Variants in MDC1 observed in about 807,000 individuals in gnomAD.
The protein encoded by MDC1 is mediator of DNA damage checkpoint protein 1.
A neutral mutation model predicts 142.5 loss-of-function variants in MDC1; 81 were observed. That is an observed-to-expected ratio of 0.57 (90% CI 0.47 to 0.68). The LOEUF (loss-of-function observed/expected upper bound fraction) is 0.68. Among genes scored for constraint, MDC1 ranks in the 30% least tolerant of loss-of-function variants. The pLI is 0.00. For synonymous variants in MDC1, 797 were observed against 968.4 expected (o/e 0.82, Z 3.29); for missense variants, 2,119 against 2,547.9 (o/e 0.83, Z 3.62).
rs1362687413 is a variant in MDC1, at chr6:30,705,288, G to A, written c.3895C>T (p.Arg1299Ter). 10 of 1,603,224 alleles carry A rather than the reference G, an allele frequency of 6.2e-6. No individual in the cohort carries two copies. Among genetic ancestry groups the A allele is most frequent in the East Asian group, 2.3e-5 (1 of 43,784 alleles). The change falls in exon 10 of 15, where the codon CGA (arginine) becomes TGA (stop). Residue 1299 changes from arginine to a stop codon, truncating the protein, a stop_gained. Coordinates refer to ENST00000376406, the MANE Select transcript of MDC1 (RefSeq NM_014641.3). LOFTEE classifies it high-confidence loss of function. ...GATGTGGGCTTGGGGGTGACAGGTC[G>A]GTCTGTGGAGGTGGAAGGCCGGAGC... Reference protein sequence around the residue: ...PELRPSTSTDRPVTPKPTSRT... With the variant: ...PELRPSTSTD
In MDC1 at chr6:30,703,133, G is replaced by A. The variant is rs1299118277; in HGVS notation, c.5836C>T (p.Pro1946Ser). ...KFLCALGRGI[P>S]ILSLDWLHQS... is the part of the protein sequence containing the mutation. The stretch of plus-strand genomic sequence containing the variant: ...TGCAGCCAGTCCAGGGACAGAATGG[G>A]GATTCCCCGCCCCAGGGCACACAGG... The change falls in exon 12 of 15, where the codon CCC becomes TCC. Residue 1946 changes from proline to serine, a missense_variant. Pro to Ser is a moderately conservative substitution (Grantham distance 74). Transcript: ENST00000376406. This position sits in a 1 kb window ranked among gnomAD's most constrained non-coding sequence, Gnocchi z 4.4. 6.2e-7 allele frequency: 1 copy of A among 1,613,080 alleles called. No homozygotes were observed. Among genetic ancestry groups the A allele is most frequent in the Non-Finnish European group, 8.5e-7 (1 of 1,180,018 alleles).
chr6:30,700,612 TG>T lies in MDC1; in HGVS notation c.6122del (p.Thr2041AsnfsTer26). On this transcript the variant is annotated frameshift_variant, in exon 15 of 15. Coordinates refer to ENST00000376406, the MANE Select transcript of MDC1 (RefSeq NM_014641.3). LOFTEE classifies it high-confidence loss of function. ...AGCAATGAGGGAAGTCCTGAGGGCATGTGATCACAACTCTCTGAGGCTGGGG... is the reference window on the plus strand; with the variant it reads ...AGCAATGAGGGAAGTCCTGAGGGCATTGATCACAACTCTCTGAGGCTGGGG... Reference protein sequence around the residue: ...RSYKPQRVVITCPQDFPHCSI... With the variant: ...RSYKPQRVVIXCPQDFPHCSI... 1 of 1,612,910 alleles carries T rather than the reference TG, an allele frequency of 6.2e-7. No individual in the cohort carries two copies. Among genetic ancestry groups the T allele is most frequent in the Non-Finnish European group, 8.5e-7 (1 of 1,179,960 alleles).
chr6:30,702,517 G>A (rs770041887), intron 14 of MDC1, 36 bp downstream of exon 14: 75 of 1,453,450 alleles, frequency 5.2e-5, no homozygotes, highest in Non-Finnish European at 6.3e-5. Context: ...AACTGCCACT[G>A]CCACCTCACC....
In MDC1 at chr6:30,715,014, T is replaced by C; in HGVS notation, c.136+26A>G. On this transcript the variant is annotated intron_variant, in intron 2 of 14. Coordinates refer to ENST00000376406, the MANE Select transcript of MDC1 (RefSeq NM_014641.3). The surrounding 1 kb of genome is among the most constrained non-coding windows in gnomAD (Gnocchi z 4.1). Reference sequence around the variant, plus strand: ...CACAAAAATAAAAGATCTATATCAATACTTGAACATCCAATACCCTCTGAC... The same window carrying C: ...CACAAAAATAAAAGATCTATATCAACACTTGAACATCCAATACCCTCTGAC... 6.2e-7 allele frequency: 1 copy of C among 1,612,692 alleles called. No homozygotes were observed. Among genetic ancestry groups the C allele is most frequent in the Non-Finnish European group, 8.5e-7 (1 of 1,178,756 alleles).
At chr6:30,706,218 G>C in intron 9 of MDC1, 120 bp from the exon 10 acceptor site, 1 of 871,130 alleles carries the variant, frequency 1.1e-6, no homozygotes, top group Non-Finnish European at 1.7e-6. Flanking sequence ...CGGGCGTGGT[G>C]GCTCACGGCT....
rs1012441948 is a variant in MDC1 at position 30,710,323 on chromosome 6, A to G, written c.2221+1089T>C. ...AGGCTGGTCTCAAACTCCTGACCTCATGTGATCCACCCACTTCGGCTTCCC... is the reference window on the plus strand; with the variant it reads ...AGGCTGGTCTCAAACTCCTGACCTCGTGTGATCCACCCACTTCGGCTTCCC... On this transcript the variant is annotated intron_variant, in intron 7 of 14. Transcript: ENST00000376406. Among the ~76,000 whole-genome samples the G allele has an allele frequency of 7.9e-5, 12 of 152,274 alleles. No individual in the cohort carries two copies. In the South Asian group the frequency reaches 1.7e-3, roughly 21 times the overall value.
rs772867560 is a variant in MDC1 at position 30,714,071 on chromosome 6, C to T, written c.249G>A (p.Trp83Ter). The change falls in exon 3 of 15, where the codon TGG (tryptophan) becomes TGA (stop). Residue 83 changes from tryptophan (W) to a stop codon, truncating the protein, a stop_gained. Transcript: ENST00000376406. LOFTEE classifies it high-confidence loss of function. ...KQHAEIEILA[W>*]DKAPILRDCG... ...AGTCTCGGAGGATAGGTGCCTTGTC[C>T]CAGGCTAAGATTTCAATCTCTGCAT... 6.2e-7 allele frequency: 1 copy of T among 1,612,778 alleles called. No individual in the cohort carries two copies. The highest frequency in any genetic ancestry group is 1.1e-5 in the South Asian group (1 of 91,068).
rs767226261 is a variant in MDC1, at chr6:30,703,499, GTC to G, written c.5599_5600del (p.Asp1867ProfsTer20). The G allele has an allele frequency of 2.5e-6, 4 of 1,613,684 alleles. No individual in the cohort carries two copies. The highest frequency in any genetic ancestry group is 8.5e-7 in the Non-Finnish European group (1 of 1,180,008). Reference sequence around the variant, plus strand: ...TTCTGTTGGGCTCCTCCTCTGCCTGGTCTCTCTTTCTCTTGCCTGGTTTTGGA... The same window carrying G: ...TTCTGTTGGGCTCCTCCTCTGCCTGGTCTCTTTCTCTTGCCTGGTTTTGGA... ...VTPKPGKRKR[D>X]QAEEEPNRIP... is the part of the protein sequence containing the mutation. On this transcript the variant is annotated frameshift_variant, in exon 11 of 15. Transcript: ENST00000376406. LOFTEE classifies it high-confidence loss of function. This position sits in a 1 kb window ranked among gnomAD's most constrained non-coding sequence, Gnocchi z 4.4.
In MDC1 at chr6:30,700,095, C is replaced by T. The variant is rs1772381792; in HGVS notation, c.*370G>A. On this transcript the variant is annotated 3_prime_UTR_variant, in exon 15 of 15. Coordinates refer to ENST00000376406, the MANE Select transcript of MDC1 (RefSeq NM_014641.3). ...GGAGGTAGGACACCATGAGTGGCAT[C>T]GAGCAATAACTGCAACAGTCTGGCT... 1 of 242,786 alleles carries T rather than the reference C, an allele frequency of 4.1e-6. No individual in the cohort carries two copies. Among genetic ancestry groups the T allele is most frequent in the Non-Finnish European group, 8.0e-6 (1 of 124,830 alleles). 15.0% of individuals were successfully genotyped at this position (242,786 alleles called of 1,614,324 possible). A position where few individuals can be genotyped will look rare whatever the true frequency, so the allele number is the denominator to read the frequency against.
chr6:30,702,702 G>C (rs1165663458), intron 13 of MDC1, 39 bp from the exon 14 acceptor site: 1 of 1,612,194 alleles, frequency 6.2e-7, no homozygotes, highest in Non-Finnish European at 8.5e-7. Flanking sequence ...TTGTAGATTG[G>C]GAAGCACTGG....
chr6:30,712,955 G>A lies in MDC1; in HGVS notation c.987C>T (p.Ser329=), dbSNP rs538188504. ...TCCTCTCTTCTTCCGCATCAGTGTCGCTGTCGATGAAGCCAAAAGGCTGAG... is the reference window on the plus strand; with the variant it reads ...TCCTCTCTTCTTCCGCATCAGTGTCACTGTCGATGAAGCCAAAAGGCTGAG... ...ERAQPFGFID[S]DTDAEEERIP... Residue 329 remains serine, a synonymous_variant, in exon 5 of 15, where the codon AGC becomes AGT. Transcript: ENST00000376406. This position sits in a 1 kb window ranked among gnomAD's most constrained non-coding sequence, Gnocchi z 4.7. 4.3e-5 allele frequency: 70 copies of A among 1,612,880 alleles called. No homozygotes were observed. Among genetic ancestry groups the A allele is most frequent in the Non-Finnish European group, 5.5e-5 (65 of 1,180,016 alleles).
Position 30,703,573 on chromosome 6 carries a change from G to T in MDC1, c.5563-36C>A. 6.2e-7 allele frequency: 1 copy of T among 1,612,610 alleles called. No homozygotes were observed. Among genetic ancestry groups the T allele is most frequent in the Non-Finnish European group, 8.5e-7 (1 of 1,179,816 alleles). On this transcript the variant is annotated intron_variant, in intron 10 of 14. Coordinates refer to ENST00000376406, the MANE Select transcript of MDC1 (RefSeq NM_014641.3). This position sits in a 1 kb window ranked among gnomAD's most constrained non-coding sequence, Gnocchi z 4.4. Reference sequence around the variant, plus strand: ...GAAAAATCTTGGTGGGAGTTTCAGAGCCCTGAAGTCATTTTTCCCAGCTTT... The same window carrying T: ...GAAAAATCTTGGTGGGAGTTTCAGATCCCTGAAGTCATTTTTCCCAGCTTT...
At position 30,705,874 on chromosome 6, in the gene MDC1, T is replaced by C; in HGVS notation, c.3309A>G (p.Pro1103=). 1.2e-6 allele frequency: 2 copies of C among 1,610,978 alleles called. No individual in the cohort carries two copies. The highest frequency in any genetic ancestry group is 1.7e-6 in the Non-Finnish European group (2 of 1,178,562). Residue 1103 remains proline (P), a synonymous_variant, in exon 10 of 15, where the codon CCA becomes CCG. Transcript: ENST00000376406. ...ACTTCCGAGTTCTAATTTTAGGCTT[T>C]GGGTGGAAAGGCTCCAGCTCTGAGG... ...PLSSELEPFH[P]KPKIRTRKSS...
rs764178877 is a variant in MDC1, at chr6:30,703,322, C to A, written c.5683-36G>T. 5.0e-6 allele frequency: 8 copies of A among 1,608,726 alleles called. No individual in the cohort carries two copies. In the African/African-American group the frequency reaches 5.3e-5, roughly 11 times the overall value. ...GTTGACCTGAGGTGGTTACGGCAAC[C>A]CATGCCATCAGCACCCATCTCTACA... On this transcript the variant is annotated intron_variant, in intron 11 of 14. Coordinates refer to ENST00000376406, the MANE Select transcript of MDC1 (RefSeq NM_014641.3). This position sits in a 1 kb window ranked among gnomAD's most constrained non-coding sequence, Gnocchi z 4.4.
At position 30,712,857 on chromosome 6, in the gene MDC1, C is replaced by T. The variant is rs1438361788; in HGVS notation, c.1085G>A (p.Gly362Glu). ...IFHGVGTRGP[G>E]APGLAHLQES... is the part of the protein sequence containing the mutation. ...CTGCAGATGGGCCAGGCCTGGTGCT[C>T]CAGGACCCCTTGTACCTACTCCATG... is the stretch of plus-strand genomic sequence containing the variant. Residue 362 changes from glycine to glutamate, a missense_variant, in exon 5 of 15, where the codon GGA (glycine) becomes GAA (glutamate). Physicochemically the swap from Gly to Glu is moderately conservative, Grantham distance 98 (BLOSUM62 -2). Transcript: ENST00000376406. This position sits in a 1 kb window ranked among gnomAD's most constrained non-coding sequence, Gnocchi z 4.7. 6.2e-6 allele frequency: 10 copies of T among 1,612,948 alleles called. No homozygotes were observed. In the African/African-American group the frequency reaches 8.0e-5, roughly 13 times the overall value.
rs573391467 is a variant in MDC1 at position 30,708,624 on chromosome 6, C to T, written c.2222-267G>A. ...ATCCCAGGACTTTGGGAGGCCAAGA[C>T]ATGAGGATTGCTTGAGGCCAGGAGT... On this transcript the variant is annotated intron_variant, in intron 7 of 14. Transcript: ENST00000376406. 2.6e-5 allele frequency among the ~76,000 whole-genome samples: 4 copies of T among 152,086 alleles called. No homozygotes were observed. In the East Asian group the frequency reaches 5.8e-4, roughly 22 times the overall value.
Position 30,703,824 on chromosome 6 carries a change from G to T in MDC1, c.5359C>A (p.Gln1787Lys). 1 of 1,610,402 alleles carries T rather than the reference G, an allele frequency of 6.2e-7. No homozygotes were observed. The highest frequency in any genetic ancestry group is 8.5e-7 in the Non-Finnish European group (1 of 1,178,220). Residue 1787 changes from glutamine (Q) to lysine (K), a missense_variant, in exon 10 of 15, where the codon CAG (glutamine) becomes AAG (lysine). Physicochemically the swap from Gln to Lys is moderately conservative, Grantham distance 53. Transcript: ENST00000376406. This position sits in a 1 kb window ranked among gnomAD's most constrained non-coding sequence, Gnocchi z 4.4. ...QLLETPIHASQIQKVEPAGRS... is the reference protein window; with the variant it reads ...QLLETPIHASKIQKVEPAGRS... ...CCTGCTGGTTCCACCTTTTGGATCT[G>T]GGAGGCATGAATTGGTGTCTCAAGA...
rs61752707 is a variant in MDC1, at chr6:30,708,242, C to T, written c.2337G>A (p.Leu779=). The T allele has an allele frequency of 3.7e-4, 604 of 1,612,956 alleles. No individual in the cohort carries two copies. The highest frequency in any genetic ancestry group is 5.0e-4 in the Non-Finnish European group (588 of 1,180,040). The change falls in exon 8 of 15, where the codon CTG becomes CTA. Residue 779 remains leucine (L), a synonymous_variant. Transcript: ENST00000376406. The part of the protein sequence containing the change: ...DTHLEAYGPC[L]SPPRAIPGDQ... ...CTCCTGGTATTGCCCTAGGTGGAGA[C>T]AGGCAAGGTCCATAGGCCTCAAGGT...
rs1248239396 is a variant in MDC1 at position 30,708,628 on chromosome 6, AGGATTGC to A, written c.2222-278_2222-272del. Among the ~76,000 whole-genome samples the A allele has an allele frequency of 2.0e-5, 3 of 152,126 alleles. No individual in the cohort carries two copies. In the East Asian group the frequency reaches 5.8e-4, roughly 29 times the overall value. On this transcript the variant is annotated intron_variant, in intron 7 of 14. Transcript: ENST00000376406. ...CAGGACTTTGGGAGGCCAAGACATG[AGGATTGC>A]TTGAGGCCAGGAGTTTGAGACTAGC...
Sources: allele counts gnomAD v4.1 joint callset (sites outside exome capture counted in the v4.1 genomes callset), GRCh38; gene constraint gnomAD v4.1.1; non-coding constraint Gnocchi (gnomAD v3.1); transcripts MANE v1.5; gene names NCBI Gene and HGNC (gene_info 2026-07-23, HGNC 2026-07-21).